The following ZNF445 variants were observed in gnomAD, a reference collection of about 807,000 sequenced individuals.
ZNF445 encodes the protein zinc finger protein 168.
A neutral mutation model predicts 93.9 loss-of-function variants in ZNF445; 19 were observed. The observed-to-expected ratio is 0.20, with a 90% CI of 0.14 to 0.30. The LOEUF (loss-of-function observed/expected upper bound fraction) is 0.30. Ranked by LOEUF, ZNF445 falls within the 10% of genes least tolerant of loss-of-function variation. The probability of loss-of-function intolerance (pLI) is 1.00; values close to 1 mark genes in which losing one functional copy is unlikely to be tolerated. For missense variants in ZNF445, 1,058 were observed against 1,259.4 expected, an observed-to-expected ratio of 0.84 and a Z score of 2.42; for synonymous variants, 449 against 446.3, an observed-to-expected ratio of 1.01 and a Z score of -0.08.
At chr3:44,449,313 T>C (rs1299921928) in intron 7 of ZNF445, among the ~76,000 whole-genome samples, 200 bp downstream of exon 7, 1 of 150,996 alleles carries the variant, frequency 6.6e-6, no homozygotes, top group African/African-American at 2.4e-5. Flanking sequence ...GACAGGAGAA[T>C]AGACATGGCC....
rs755554326 is a variant in ZNF445 at position 44,451,490 on chromosome 3, G to C, written c.430-8C>G. ...CTGGGCAGGGCCCGGGTCCTGGCAA[G>C]AAGAAAATGTTGTGAGAGGATCTTT... On this transcript the variant is annotated splice_polypyrimidine_tract_variant and splice_region_variant and intron_variant, in intron 3 of 7. Coordinates refer to ENST00000396077, the MANE Select transcript of ZNF445 (RefSeq NM_181489.6). 1 of 1,595,116 alleles carries C rather than the reference G, an allele frequency of 6.3e-7. No homozygotes were observed. Among genetic ancestry groups the C allele is most frequent in the East Asian group, 2.3e-5 (1 of 44,376 alleles).
Position 44,444,791 on chromosome 3 carries a change from T to C in ZNF445, c.*1784A>G, listed in dbSNP as rs765637250. On this transcript the variant is annotated 3_prime_UTR_variant, in exon 8 of 8. Coordinates refer to ENST00000396077, the MANE Select transcript of ZNF445 (RefSeq NM_181489.6). ...ATCCAGAGCAGGTAAGATTATTCCATACTCTACTGAAAAAGACATCTTCCA... is the reference window on the plus strand; with the variant it reads ...ATCCAGAGCAGGTAAGATTATTCCACACTCTACTGAAAAAGACATCTTCCA... 6.6e-6 allele frequency: 1 copy of C among 152,170 alleles called. No individual in the cohort carries two copies. The allele number at this position is 152,170 out of a possible 1,614,324, so 9.4% of individuals were successfully genotyped here. A position where few individuals can be genotyped will look rare whatever the true frequency, so the allele number is the denominator to read the frequency against.
At chr3:44,465,979 T>C (rs1698188315) in intron 1 of ZNF445, among the ~76,000 whole-genome samples, 1 of 152,190 alleles carries the variant, frequency 6.6e-6, no homozygotes, top group Admixed American at 6.5e-5. Flanking sequence ...GATGCATTAA[T>C]GCAAACATGA....
intron 1 of ZNF445, among the ~76,000 whole-genome samples, chr3:44,467,197 T>C (rs1698208120): frequency 6.6e-6 from 1 of 152,352 alleles, no homozygotes; most frequent in South Asian, 2.1e-4. Context: ...TTTGCAACTT[T>C]TAACAAGTAA....
Position 44,448,110 on chromosome 3 carries a change from C to T in ZNF445, c.1561G>A (p.Ala521Thr). The T allele has an allele frequency of 6.2e-7, 1 of 1,613,924 alleles. No homozygotes were observed. The highest frequency in any genetic ancestry group is 1.1e-5 in the South Asian group (1 of 91,086). Residue 521 changes from alanine to threonine, a missense_variant, in exon 8 of 8, where the codon GCC (alanine) becomes ACC (threonine). Ala to Thr is a moderately conservative substitution (Grantham distance 58, BLOSUM62 0). Coordinates refer to ENST00000396077, the MANE Select transcript of ZNF445 (RefSeq NM_181489.6). Reference sequence around the variant, plus strand: ...GCACAGTTGGAACTCCACCGGAAGGCTTTCCCACACACCCTACATTTAAAT... The same window carrying T: ...GCACAGTTGGAACTCCACCGGAAGGTTTTCCCACACACCCTACATTTAAAT... ...KAFKCRVCGK[A>T]FRWSSNCARH...
chr3:44,446,919 G>A lies in ZNF445; in HGVS notation c.2752C>T (p.His918Tyr), dbSNP rs1296306816. ...CGTTCAGCCTGTGCTGCTCTGGTGTGTTTCCTCTGGTGACTGGAAAGGGTA... is the reference window on the plus strand; with the variant it reads ...CGTTCAGCCTGTGCTGCTCTGGTGTATTTCCTCTGGTGACTGGAAAGGGTA... ...RHTLSSHQRKHTRAAQAERSP... is the reference protein window; with the variant it reads ...RHTLSSHQRKYTRAAQAERSP... Residue 918 changes from histidine (H) to tyrosine (Y), a missense_variant, in exon 8 of 8, where the codon CAC becomes TAC. Around this residue, in one of 3 missense-constraint regions of ZNF445, gnomAD observed 387 missense variants for 475.7 expected, o/e 0.81. Transcript: ENST00000396077. This position sits in a 1 kb window ranked among gnomAD's most constrained non-coding sequence, Gnocchi z 4.2. 1.9e-6 allele frequency: 3 copies of A among 1,613,978 alleles called. No individual in the cohort carries two copies. The Admixed American group carries it at 5.0e-5, about 27-fold the overall frequency.
chr3:44,450,303 A>T, intron 6 of ZNF445, 144 bp downstream of exon 6: 1 of 951,424 alleles, frequency 1.1e-6, no homozygotes, highest in Non-Finnish European at 1.6e-6. Flanking sequence ...AAAAGAGGCT[A>T]CCAAGGTGCT....
intron 1 of ZNF445, among the ~76,000 whole-genome samples, chr3:44,477,139 T>G (rs1184021423): frequency 6.6e-6 from 1 of 152,204 alleles, no homozygotes; most frequent in African/African-American, 2.4e-5. Flanking sequence ...ACAATAATAC[T>G]AACAGGTTTT....
chr3:44,467,790 A>T (rs959432456), intron 1 of ZNF445, among the ~76,000 whole-genome samples: 2 of 152,232 alleles, frequency 1.3e-5, no homozygotes, highest in African/African-American at 2.4e-5. Flanking sequence ...TGTTTTTAAT[A>T]AAAATGGGGA....
At position 44,435,507 on chromosome 3, in the gene ZNF445, C is replaced by G. The variant is rs566652213; in HGVS notation, c.*11068G>C. On this transcript the variant is annotated 3_prime_UTR_variant, in exon 8 of 8. Transcript: ENST00000396077. ...TCATTCTCCAAGATCCATCTGTCTT[C>G]TGCACAGGCTGAGTAGGTGAGCTAA... 6 of 152,228 alleles carry G rather than the reference C, an allele frequency of 3.9e-5. No individual in the cohort carries two copies. The highest frequency in any genetic ancestry group is 7.2e-5 in the African/African-American group (3 of 41,452). The allele number at this position is 152,228 out of a possible 1,614,324, so 9.4% of individuals were successfully genotyped here.
rs375076604 is a variant in ZNF445, at chr3:44,449,561, T to C, written c.883A>G (p.Asn295Asp). The change falls in exon 7 of 8, where the codon AAC becomes GAC. Residue 295 changes from asparagine to aspartate, a missense_variant. Asn to Asp is a conservative substitution (Grantham distance 23). This residue lies in a region of ZNF445 where 657 missense variants were observed against 746.4 expected (regional missense o/e 0.88). Transcript: ENST00000396077. ...CCCTTAGGCTGAGCTGCCTGCATGT[T>C]CAGGCCCCATGGCTCCCTTGCTTCC... ...WLEAREPWGL[N>D]MQAAQPKGNP... 12 of 1,614,052 alleles carry C rather than the reference T, an allele frequency of 7.4e-6. No homozygotes were observed. Among genetic ancestry groups the C allele is most frequent in the African/African-American group, 1.3e-5 (1 of 74,918 alleles).
At chr3:44,457,808 C>G (rs1559396547) in intron 2 of ZNF445, among the ~76,000 whole-genome samples, 1 of 151,750 alleles carries the variant, frequency 6.6e-6, no homozygotes, top group Non-Finnish European at 1.5e-5. Context: ...TGGGACCAGC[C>G]TGACCAACAC....
intron 1 of ZNF445, among the ~76,000 whole-genome samples, chr3:44,470,995 A>C (rs1698261391): frequency 1.3e-5 from 2 of 152,226 alleles, no homozygotes. Flanking sequence ...ACAACATGCA[A>C]AACAAAAATA....
chr3:44,443,213 A>T lies in ZNF445; in HGVS notation c.*3362T>A, dbSNP rs1453304920. Reference sequence around the variant, plus strand: ...GGGGCTGGCATGGGGAAGGGACAGGAAAGCCAAATCCAACATTGATTCTGC... The same window carrying T: ...GGGGCTGGCATGGGGAAGGGACAGGTAAGCCAAATCCAACATTGATTCTGC... On this transcript the variant is annotated 3_prime_UTR_variant, in exon 8 of 8. Coordinates refer to ENST00000396077, the MANE Select transcript of ZNF445 (RefSeq NM_181489.6). 6.6e-6 allele frequency: 1 copy of T among 152,212 alleles called. No homozygotes were observed. Among genetic ancestry groups the T allele is most frequent in the Non-Finnish European group, 1.5e-5 (1 of 68,056 alleles). 9.4% of individuals were successfully genotyped at this position (152,212 alleles called of 1,614,324 possible).
chr3:44,472,409 C>T (rs888350922), intron 1 of ZNF445, among the ~76,000 whole-genome samples: 2 of 152,198 alleles, frequency 1.3e-5, no homozygotes, highest in Non-Finnish European at 2.9e-5. Context: ...AAGGGTTTCA[C>T]TATATTGCCC....
rs1697578100 is a variant in ZNF445, at chr3:44,432,491, T to C, written c.*14084A>G. On this transcript the variant is annotated 3_prime_UTR_variant, in exon 8 of 8. Coordinates refer to ENST00000396077, the MANE Select transcript of ZNF445 (RefSeq NM_181489.6). ...GAGCAGGATTAGTAGATGGTGTGCA[T>C]GAACTCTGAAGGCAGTCTGCGGAAG... 1 of 152,044 alleles carries C rather than the reference T, an allele frequency of 6.6e-6. No homozygotes were observed. Among genetic ancestry groups the C allele is most frequent in the Admixed American group, 6.6e-5 (1 of 15,238 alleles). 9.4% of individuals were successfully genotyped at this position (152,044 alleles called of 1,614,324 possible). A position where few individuals can be genotyped will look rare whatever the true frequency, so the allele number is the denominator to read the frequency against.
At chr3:44,475,450 T>G (rs541477434) in intron 1 of ZNF445, among the ~76,000 whole-genome samples, 180 of 151,938 alleles carry the variant, frequency 1.2e-3, no homozygotes, top group African/African-American at 4.2e-3. Context: ...CCCACCCACC[T>G]CAGCCTCCCA....
At chr3:44,472,045 AAAG>A (rs1191510191) in intron 1 of ZNF445, among the ~76,000 whole-genome samples, 13 of 152,312 alleles carry the variant, frequency 8.5e-5, no homozygotes, top group African/African-American at 3.1e-4. Flanking sequence ...AAAAACAGAA[AAAG>A]AAGAGAGACT....
Position 44,446,296 on chromosome 3 carries a change from C to T in ZNF445, c.*279G>A, listed in dbSNP as rs1697876263. ...CTCTCTTCAGAGTTGTGGAAGGAGA[C>T]CTGAATAGGGGAGCCGCAGGCTATG... On this transcript the variant is annotated 3_prime_UTR_variant, in exon 8 of 8. Coordinates refer to ENST00000396077, the MANE Select transcript of ZNF445 (RefSeq NM_181489.6). This position sits in a 1 kb window ranked among gnomAD's most constrained non-coding sequence, Gnocchi z 4.2. 3 of 436,218 alleles carry T rather than the reference C, an allele frequency of 6.9e-6. No individual in the cohort carries two copies. Among genetic ancestry groups the T allele is most frequent in the Middle Eastern group, 1.3e-3 (2 of 1,562 alleles). The allele number at this position is 436,218 out of a possible 1,614,324, so 27.0% of individuals were successfully genotyped here.
Sources: gnomAD v4.1 joint callset for allele counts (sites outside exome capture counted in the v4.1 genomes callset) on GRCh38, gnomAD v4.1.1 for gene constraint, gnomAD v4.1.1 regional missense constraint, Gnocchi (gnomAD v3.1) non-coding constraint, MANE v1.5 for transcripts, NCBI Gene and HGNC (gene_info 2026-07-23, HGNC 2026-07-21) for gene names.